Variants in METTL15 observed in about 807,000 individuals in gnomAD.
METTL15 encodes 12S rRNA N(4)-cytidine methyltransferase METTL15.
A neutral mutation model predicts 38.3 loss-of-function variants in METTL15; 34 were observed. The ratio of observed to expected loss-of-function variants is 0.89; its 90% CI spans 0.68 to 1.18. The LOEUF is 1.18. Among genes scored for constraint, METTL15 ranks in the 50% most tolerant of loss-of-function variants. METTL15 has a pLI of 0.00. For synonymous variants in METTL15, 162 were observed against 170.9 expected, an observed-to-expected ratio of 0.95 and a Z score of 0.41; for missense variants, 438 against 498.4, an observed-to-expected ratio of 0.88 and a Z score of 1.15.
intron 4 of METTL15, among the ~76,000 whole-genome samples, chr11:28,237,560 G>T (rs554657600): frequency 4.0e-4 from 61 of 152,208 alleles, no homozygotes; most frequent in African/African-American, 1.4e-3. Context: ...TCCTCTTGTA[G>T]CTCGGAATAG....
At chr11:28,522,067 A>C (rs1274264035) in intron 6 of METTL15, among the ~76,000 whole-genome samples, 1 of 152,242 alleles carries the variant, frequency 6.6e-6, no homozygotes, top group Admixed American at 6.5e-5. Flanking sequence ...ATCATTAAAA[A>C]TTTGATCAGA....
intron 5 of METTL15, among the ~76,000 whole-genome samples, chr11:28,292,146 G>A (rs1349049129): frequency 6.6e-6 from 1 of 151,472 alleles, no homozygotes. Flanking sequence ...CCATGGTGGT[G>A]TGATGCACCC....
At position 28,210,958 on chromosome 11, in the gene METTL15, C is replaced by G. The variant is rs1852609680; in HGVS notation, c.271-104C>G. The G allele has an allele frequency of 2.0e-5, 24 of 1,195,546 alleles. 1 individual carries two copies. In the East Asian group the frequency reaches 6.1e-4, roughly 30 times the overall value. 74.1% of individuals were successfully genotyped at this position (1,195,546 alleles called of 1,614,324 possible). A position where few individuals can be genotyped will look rare whatever the true frequency, so the allele number is the denominator to read the frequency against. Reference sequence around the variant, plus strand: ...ACGATTGTAATTATTTTCCTATTTACTGTCAAGTCTGAAAATCATTGTGTG... The same window carrying G: ...ACGATTGTAATTATTTTCCTATTTAGTGTCAAGTCTGAAAATCATTGTGTG... On this transcript the variant is annotated intron_variant, in intron 3 of 6. Coordinates refer to ENST00000407364, the MANE Select transcript of METTL15 (RefSeq NM_001113528.2).
chr11:28,513,789 C>G (rs1851696377), intron 6 of METTL15, among the ~76,000 whole-genome samples: 1 of 152,238 alleles, frequency 6.6e-6, no homozygotes, highest in South Asian at 2.1e-4. Flanking sequence ...CCTTAAGGCA[C>G]AGATCGCTCA....
At chr11:28,375,878 G>C (rs1346406547) in intron 5 of METTL15, among the ~76,000 whole-genome samples, 2 of 151,320 alleles carry the variant, frequency 1.3e-5, no homozygotes, top group African/African-American at 4.9e-5. Context: ...CTTTGTTCTC[G>C]TTGGTTTCAA....
intron 6 of METTL15, among the ~76,000 whole-genome samples, chr11:28,450,689 G>A (rs535155458): frequency 1.4e-4 from 21 of 152,300 alleles, no homozygotes; most frequent in African/African-American, 5.1e-4. Context: ...AGTGGATTCA[G>A]TAAACTTTTG....
intron 4 of METTL15, among the ~76,000 whole-genome samples, chr11:28,258,409 G>A (rs1421723919): frequency 2.0e-5 from 3 of 152,066 alleles, no homozygotes; most frequent in African/African-American, 7.2e-5. Flanking sequence ...TTCAGGCCCT[G>A]AGGCTCAACA....
chr11:28,474,948 G>C (rs929087215), intron 6 of METTL15, among the ~76,000 whole-genome samples: 2 of 152,170 alleles, frequency 1.3e-5, no homozygotes, highest in Non-Finnish European at 2.9e-5. Flanking sequence ...AAGACAACCT[G>C]ACTTGCTGGT....
At chr11:28,417,534 G>T (rs1349805465) in intron 5 of METTL15, among the ~76,000 whole-genome samples, 1 of 152,160 alleles carries the variant, frequency 6.6e-6, no homozygotes. Flanking sequence ...GCTGAAATAT[G>T]ATTTAAACTT....
chr11:28,176,356 A>G (rs1004284792), intron 3 of METTL15, among the ~76,000 whole-genome samples: 5 of 152,092 alleles, frequency 3.3e-5, no homozygotes, highest in South Asian at 2.1e-4. Context: ...AAAGTTTTAA[A>G]TGTCTTTTTC....
intron 6 of METTL15, among the ~76,000 whole-genome samples, chr11:28,469,654 C>T (rs1226489296): frequency 3.9e-5 from 6 of 152,056 alleles, no homozygotes; most frequent in Non-Finnish European, 7.4e-5. Flanking sequence ...ATTATAAAGA[C>T]TTAATGAGTT....
intron 4 of METTL15, among the ~76,000 whole-genome samples, chr11:28,235,839 C>A (rs1853934853): frequency 6.6e-6 from 1 of 152,170 alleles, no homozygotes; most frequent in South Asian, 2.1e-4. Flanking sequence ...ACTTCCCACA[C>A]TATGTTGAAT....
At chr11:28,179,720 A>T (rs1851214486) in intron 3 of METTL15, among the ~76,000 whole-genome samples, 1 of 151,836 alleles carries the variant, frequency 6.6e-6, no homozygotes. Flanking sequence ...AATAAAGCTC[A>T]TATGAACATC....
intron 3 of METTL15, among the ~76,000 whole-genome samples, chr11:28,179,833 T>G (rs189709752): frequency 6.6e-6 from 1 of 151,912 alleles, no homozygotes; most frequent in Non-Finnish European, 1.5e-5. Flanking sequence ...CAAGCAGTGT[T>G]ATGAAGTGGT....
chr11:28,391,550 C>G (rs935997741), intron 5 of METTL15, among the ~76,000 whole-genome samples: 7 of 152,116 alleles, frequency 4.6e-5, no homozygotes, highest in African/African-American at 1.7e-4. Flanking sequence ...CATCACGCTA[C>G]CTGACTTCAA....
At chr11:28,119,523 A>G (rs929802935) in intron 3 of METTL15, among the ~76,000 whole-genome samples, 4 of 152,350 alleles carry the variant, frequency 2.6e-5, no homozygotes, top group Admixed American at 2.6e-4. Context: ...CTGAGAAAAT[A>G]AGCTGGCACC....
chr11:28,437,829 C>T (rs1590374829), intron 6 of METTL15, among the ~76,000 whole-genome samples: 2 of 152,284 alleles, frequency 1.3e-5, no homozygotes, highest in South Asian at 4.1e-4. Context: ...CAGTGCCCAG[C>T]CCAGTTTCTT....
chr11:28,464,815 A>G lies in METTL15; in HGVS notation c.*424+40451A>G, dbSNP rs955328865. 7.9e-5 allele frequency among the ~76,000 whole-genome samples: 12 copies of G among 152,242 alleles called. No homozygotes were observed. In the South Asian group the frequency reaches 1.7e-3, roughly 21 times the overall value. On this transcript the variant is annotated intron_variant and NMD_transcript_variant, in intron 6 of 7. Transcript: ENST00000532947. ...TGAGAACTATTTCCTCTAAACTCCAATCTACTTGGCTCAGATGTCTCTTTG... is the reference window on the plus strand; with the variant it reads ...TGAGAACTATTTCCTCTAAACTCCAGTCTACTTGGCTCAGATGTCTCTTTG...
At chr11:28,382,424 G>T (rs7111118) in intron 5 of METTL15, among the ~76,000 whole-genome samples, 8,333 of 152,134 alleles carry the variant, frequency 0.055, 403 homozygotes, top group African/African-American at 0.13. Context: ...ACCCAAAATG[G>T]CTAGGAAGAT....
Sources: allele counts gnomAD v4.1 joint callset (sites outside exome capture counted in the v4.1 genomes callset), GRCh38; gene constraint gnomAD v4.1.1; transcripts MANE v1.5; gene names NCBI Gene and HGNC (gene_info 2026-07-23, HGNC 2026-07-21).